The following PPP2R3A variants were observed in gnomAD, a reference collection of about 807,000 sequenced individuals.
PPP2R3A encodes serine/threonine-protein phosphatase 2A regulatory subunit B'' subunit alpha.
In PPP2R3A, 80 loss-of-function variants were observed where a neutral mutation model predicts 106.9. The observed-to-expected ratio is 0.75, with a 90% CI of 0.62 to 0.90. PPP2R3A has a LOEUF of 0.90. Among genes scored for constraint, PPP2R3A ranks in the 40% least tolerant of loss-of-function variants. The probability of loss-of-function intolerance (pLI) is 0.00; values close to 1 mark genes in which losing one functional copy is unlikely to be tolerated. For synonymous variants in PPP2R3A, 483 were observed against 468.3 expected (o/e 1.03, Z -0.41); for missense variants, 1,386 against 1,350.4 (o/e 1.03, Z -0.41).
chr3:136,027,916 A>C (rs1046376064), intron 3 of PPP2R3A, among the ~76,000 whole-genome samples: 5 of 152,220 alleles, frequency 3.3e-5, no homozygotes, highest in Non-Finnish European at 7.3e-5. Flanking sequence ...GCCCATGCAC[A>C]CTTCCACTGA....
intron 3 of PPP2R3A, among the ~76,000 whole-genome samples, chr3:136,036,277 A>T (rs115098886): frequency 0.011 from 1,650 of 152,050 alleles, 25 homozygotes; most frequent in African/African-American, 0.033. Context: ...TGATTTTTTG[A>T]AGGTATTAAA....
At chr3:136,072,092 C>T (rs1005098884) in intron 6 of PPP2R3A, among the ~76,000 whole-genome samples, 9 of 151,894 alleles carry the variant, frequency 5.9e-5, no homozygotes, top group African/African-American at 2.2e-4. Context: ...TTTGTTTGTC[C>T]ATCTCCTATC....
chr3:136,076,830 C>T (rs373039204), intron 6 of PPP2R3A, among the ~76,000 whole-genome samples: 2 of 151,994 alleles, frequency 1.3e-5, no homozygotes, highest in East Asian at 3.9e-4. Context: ...ACCTGTAGTG[C>T]CAGCTACTTG....
At chr3:136,137,651 C>A (rs1938680286) in intron 13 of PPP2R3A, among the ~76,000 whole-genome samples, 1 of 149,800 alleles carries the variant, frequency 6.7e-6, no homozygotes, top group Non-Finnish European at 1.5e-5. Context: ...AGGCCATTCT[C>A]CTGGCTCAGC....
intron 1 of PPP2R3A, among the ~76,000 whole-genome samples, chr3:135,988,948 C>A (rs957288356): frequency 6.6e-6 from 1 of 152,046 alleles, no homozygotes; most frequent in Non-Finnish European, 1.5e-5. Context: ...GTTTGTCTAA[C>A]GTGTTGAGAT....
chr3:135,970,742 T>C (rs1190234890), intron 1 of PPP2R3A, among the ~76,000 whole-genome samples: 2 of 152,226 alleles, frequency 1.3e-5, no homozygotes, highest in Non-Finnish European at 2.9e-5. Context: ...CTTACATGCC[T>C]ACAATGTAGG....
At chr3:136,101,235 A>T (rs1261910716) in intron 10 of PPP2R3A, among the ~76,000 whole-genome samples, 2 of 152,230 alleles carry the variant, frequency 1.3e-5, no homozygotes, top group Admixed American at 1.3e-4. Context: ...TTGAATTAGT[A>T]GCAAGTACAC....
At chr3:136,111,285 A>C (rs577863060) in intron 13 of PPP2R3A, among the ~76,000 whole-genome samples, 1 of 152,322 alleles carries the variant, frequency 6.6e-6, no homozygotes, top group South Asian at 2.1e-4. Flanking sequence ...AGAAATATAG[A>C]CATTGATAAA....
At chr3:136,030,705 G>C (rs1163667021) in intron 3 of PPP2R3A, among the ~76,000 whole-genome samples, 1 of 149,926 alleles carries the variant, frequency 6.7e-6, no homozygotes, top group African/African-American at 2.5e-5. Flanking sequence ...ATCTCATCCT[G>C]GTCACTGCGA....
Position 136,002,509 on chromosome 3 carries a change from T to C in PPP2R3A, c.1011T>C (p.Val337=). ...AACAACCCCCTAAATATGAAGATGTTGTCCAGCTCTCAGCTTCTGACTCTG... is the reference window on the plus strand; with the variant it reads ...AACAACCCCCTAAATATGAAGATGTCGTCCAGCTCTCAGCTTCTGACTCTG... ...GTEQPPKYED[V]VQLSASDSGR... is the part of the protein sequence containing the mutation. The change falls in exon 2 of 14, where the codon GTT becomes GTC. Residue 337 remains valine, a synonymous_variant. Transcript: ENST00000264977. 1 of 1,614,128 alleles carries C rather than the reference T, an allele frequency of 6.2e-7. No individual in the cohort carries two copies.
intron 13 of PPP2R3A, among the ~76,000 whole-genome samples, chr3:136,130,962 A>C (rs1189995032): frequency 6.6e-6 from 1 of 152,250 alleles, no homozygotes; most frequent in Non-Finnish European, 1.5e-5. Flanking sequence ...CATATGCAGA[A>C]AGCTGAAACT....
At chr3:136,087,236 T>G (rs1159068521) in intron 8 of PPP2R3A, among the ~76,000 whole-genome samples, 1 of 149,034 alleles carries the variant, frequency 6.7e-6, no homozygotes, top group African/African-American at 2.5e-5. Flanking sequence ...AGAACAGGTC[T>G]CTAGTCGTGT....
chr3:136,051,050 A>G (rs971984186), intron 5 of PPP2R3A, among the ~76,000 whole-genome samples: 3 of 152,196 alleles, frequency 2.0e-5, no homozygotes. Context: ...AATCAGTTAC[A>G]TATCAGTATT....
At chr3:136,057,163 T>C (rs72983479) in intron 5 of PPP2R3A, among the ~76,000 whole-genome samples, 1,561 of 151,812 alleles carry the variant, frequency 0.01, 25 homozygotes, top group African/African-American at 0.037. Flanking sequence ...AAACTAAAAA[T>C]AGAACTTCCA....
At chr3:136,064,956 G>C (rs978019019) in intron 5 of PPP2R3A, among the ~76,000 whole-genome samples, 1 of 152,064 alleles carries the variant, frequency 6.6e-6, no homozygotes, top group Admixed American at 6.6e-5. Context: ...TTGTAGAACA[G>C]TATGAAAAAA....
At chr3:136,026,789 C>T (rs767508778) in intron 2 of PPP2R3A, 43 bp from the exon 3 acceptor site, 7 of 1,518,828 alleles carry the variant, frequency 4.6e-6, no homozygotes, top group Non-Finnish European at 6.3e-6. Flanking sequence ...TAAATGAATA[C>T]TGTTTAAATT....
intron 2 of PPP2R3A, among the ~76,000 whole-genome samples, chr3:136,023,614 G>T (rs969958839): frequency 1.3e-5 from 2 of 152,040 alleles, no homozygotes; most frequent in African/African-American, 4.8e-5. Flanking sequence ...ATATATTAGC[G>T]TGCATACACA....
chr3:136,129,700 C>A lies in PPP2R3A; in HGVS notation c.3330-15343C>A, dbSNP rs1450894604. Reference sequence around the variant, plus strand: ...GCATCATCCTGATGCCAAAGCCTACCAGAGACACAACAAAAAATGAGAATT... The same window carrying A: ...GCATCATCCTGATGCCAAAGCCTACAAGAGACACAACAAAAAATGAGAATT... On this transcript the variant is annotated intron_variant, in intron 13 of 13. Transcript: ENST00000264977. Among the ~76,000 whole-genome samples, 5 of 152,218 alleles carry A rather than the reference C, an allele frequency of 3.3e-5. No individual in the cohort carries two copies. In the East Asian group the frequency reaches 7.7e-4, roughly 23 times the overall value.
At chr3:136,088,752 G>A (rs1386216671) in intron 9 of PPP2R3A, among the ~76,000 whole-genome samples, 1 of 152,130 alleles carries the variant, frequency 6.6e-6, no homozygotes, top group East Asian at 1.9e-4. Context: ...TCACCAGCAT[G>A]TGTTACATTT....
Sources: allele counts gnomAD v4.1 joint callset (sites outside exome capture counted in the v4.1 genomes callset), GRCh38; gene constraint gnomAD v4.1.1; transcripts MANE v1.5; gene names NCBI Gene and HGNC (gene_info 2026-07-23, HGNC 2026-07-21).